The following UNC5D variants were observed in gnomAD, a reference collection of about 807,000 sequenced individuals.
The protein encoded by UNC5D is netrin receptor UNC5D.
Under a neutral mutation model 105.4 loss-of-function variants are expected in UNC5D, and 39 were observed. That is an observed-to-expected ratio of 0.37 (90% CI 0.29 to 0.48). The LOEUF (loss-of-function observed/expected upper bound fraction) is 0.48, where lower values mean the gene tolerates loss of function less well. UNC5D is among the 20% of genes least tolerant of loss of function. UNC5D has a pLI of 0.98. For missense variants in UNC5D, 991 were observed against 1,202.4 expected (o/e 0.82, Z 2.60); for synonymous variants, 452 against 450.4 (o/e 1.00, Z -0.04).
intron 8 of UNC5D, among the ~76,000 whole-genome samples, chr8:35,706,446 G>A (rs145010616): frequency 5.3e-5 from 8 of 152,178 alleles, no homozygotes; most frequent in African/African-American, 9.6e-5. Flanking sequence ...GCTTAGGCTC[G>A]TTGTACCCAG....
rs146715348 is a variant in UNC5D, at chr8:35,645,444, A to T, written c.571-38103A>T. Among the ~76,000 whole-genome samples the T allele has an allele frequency of 9.8e-4, 149 of 152,262 alleles. 2 individuals carry two copies. The highest frequency in any genetic ancestry group is 8.5e-3 in the Admixed American group (129 of 15,262). On this transcript the variant is annotated intron_variant, in intron 4 of 16. Coordinates refer to ENST00000404895, the MANE Select transcript of UNC5D (RefSeq NM_080872.4). ...AAATCTTTTAGCAAAATAATGCAAT[A>T]AAGCTAAAGAAAAACTGCATACAAA...
At chr8:35,692,783 C>T (rs867906714) in intron 7 of UNC5D, among the ~76,000 whole-genome samples, 22 of 152,190 alleles carry the variant, frequency 1.4e-4, no homozygotes, top group Admixed American at 2.0e-4. Context: ...ATGAAGCATC[C>T]TACTGCTCGC....
chr8:35,463,501 A>G (rs1809051587), intron 1 of UNC5D, among the ~76,000 whole-genome samples: 1 of 152,022 alleles, frequency 6.6e-6, no homozygotes, highest in Non-Finnish European at 1.5e-5. Context: ...GAAGTCAATG[A>G]TACCTGTTTC....
chr8:35,421,714 C>T (rs896679804), intron 1 of UNC5D, among the ~76,000 whole-genome samples: 1 of 151,982 alleles, frequency 6.6e-6, no homozygotes, highest in Non-Finnish European at 1.5e-5. Flanking sequence ...TATATGTACT[C>T]ACACACATAG....
At chr8:35,452,516 A>G (rs1404809535) in intron 1 of UNC5D, among the ~76,000 whole-genome samples, 30 of 151,992 alleles carry the variant, frequency 2.0e-4, no homozygotes, top group Admixed American at 2.0e-3. Flanking sequence ...CACCCACCTC[A>G]GCCTCCCAAA....
At chr8:35,327,154 A>G (rs1207857432) in intron 1 of UNC5D, among the ~76,000 whole-genome samples, 1 of 152,156 alleles carries the variant, frequency 6.6e-6, no homozygotes, top group Admixed American at 6.5e-5. Flanking sequence ...TTAAAATTAG[A>G]TGCCCACTGA....
chr8:35,433,596 G>T (rs940034953), intron 1 of UNC5D, among the ~76,000 whole-genome samples: 1 of 151,996 alleles, frequency 6.6e-6, no homozygotes, highest in African/African-American at 2.4e-5. Flanking sequence ...GAACATAAAT[G>T]AATAGAATAT....
intron 1 of UNC5D, among the ~76,000 whole-genome samples, chr8:35,293,482 T>G (rs923198157): frequency 6.6e-6 from 1 of 152,174 alleles, no homozygotes; most frequent in Non-Finnish European, 1.5e-5. Flanking sequence ...CTGGTGCTGG[T>G]TTGGAAGCAC....
intron 1 of UNC5D, among the ~76,000 whole-genome samples, chr8:35,237,441 T>C (rs1429290474): frequency 6.6e-6 from 1 of 152,136 alleles, no homozygotes; most frequent in Non-Finnish European, 1.5e-5. Context: ...ATGTCTGAGT[T>C]TCCACTTACT....
At chr8:35,391,277 TC>T (rs1276973237) in intron 1 of UNC5D, among the ~76,000 whole-genome samples, 2 of 152,188 alleles carry the variant, frequency 1.3e-5, no homozygotes, top group African/African-American at 4.8e-5. Context: ...TTCCTTCTTC[TC>T]CATCATCATT....
At chr8:35,739,004 G>A (rs555508580) in intron 11 of UNC5D, among the ~76,000 whole-genome samples, 1 of 152,226 alleles carries the variant, frequency 6.6e-6, no homozygotes, top group African/African-American at 2.4e-5. Flanking sequence ...CTCTATACCA[G>A]GCATAGAGAG....
intron 1 of UNC5D, among the ~76,000 whole-genome samples, chr8:35,253,156 G>C (rs1286642595): frequency 6.6e-6 from 1 of 151,784 alleles, no homozygotes; most frequent in African/African-American, 2.4e-5. Flanking sequence ...TGTTATATGT[G>C]ATTGGAACTT....
intron 1 of UNC5D, among the ~76,000 whole-genome samples, chr8:35,442,919 CACACACACACACACACA>C (rs1177364642): frequency 4.0e-5 from 6 of 151,158 alleles, no homozygotes; most frequent in African/African-American, 1.5e-4. Context: ...CACACACACA[CACACACACACACACACA>C]ACACACACAC....
At chr8:35,658,489 A>G (rs1031024948) in intron 4 of UNC5D, among the ~76,000 whole-genome samples, 10 of 152,148 alleles carry the variant, frequency 6.6e-5, no homozygotes, top group Non-Finnish European at 1.2e-4. Context: ...TGCTCTATAA[A>G]TAGGCTGGTG....
In UNC5D at chr8:35,792,793, T is replaced by G. The variant is rs1336464882; in HGVS notation, c.*2230T>G. On this transcript the variant is annotated 3_prime_UTR_variant, in exon 17 of 17. Coordinates refer to ENST00000404895, the MANE Select transcript of UNC5D (RefSeq NM_080872.4). ...CTTCCCTTCTAATGGGCATTATAAT[T>G]GTTTCATCTACTCTGTGAATCTACA... The G allele has an allele frequency of 9.7e-6, 3 of 308,670 alleles. No individual in the cohort carries two copies. Among genetic ancestry groups the G allele is most frequent in the Non-Finnish European group, 1.2e-5 (2 of 161,004 alleles). 19.1% of individuals were successfully genotyped at this position (308,670 alleles called of 1,614,324 possible).
At chr8:35,457,181 T>C (rs1563436928) in intron 1 of UNC5D, among the ~76,000 whole-genome samples, 2 of 151,460 alleles carry the variant, frequency 1.3e-5, no homozygotes, top group Non-Finnish European at 2.9e-5. Context: ...ATTCTTCTCT[T>C]TCTTTTTTTA....
Position 35,722,426 on chromosome 8 carries a change from C to A in UNC5D, c.1303+31C>A, listed in dbSNP as rs192094973. The A allele has an allele frequency of 4.3e-4, 696 of 1,603,660 alleles. 1 individual carries two copies. In the African/African-American group the frequency reaches 8.3e-3, roughly 19 times the overall value. Reference sequence around the variant, plus strand: ...CGGCATAGGTCCCTCCACACCTCGTCCTCAGTGCCATAGACTACGCTCACA... The same window carrying A: ...CGGCATAGGTCCCTCCACACCTCGTACTCAGTGCCATAGACTACGCTCACA... On this transcript the variant is annotated intron_variant, in intron 9 of 16. Transcript: ENST00000404895.
At position 35,793,017 on chromosome 8, in the gene UNC5D, C is replaced by A. The variant is rs975099541; in HGVS notation, c.*2454C>A. On this transcript the variant is annotated 3_prime_UTR_variant, in exon 17 of 17. Transcript: ENST00000404895. The stretch of plus-strand genomic sequence containing the variant: ...TTTATAAACAACTTGAACATCATAT[C>A]ATATAGGATAACAAAGGAGGAAGTT... 6.2e-5 allele frequency: 28 copies of A among 454,328 alleles called. No individual in the cohort carries two copies. The highest frequency in any genetic ancestry group is 1.1e-4 in the Non-Finnish European group (25 of 226,448). 28.1% of individuals were successfully genotyped at this position (454,328 alleles called of 1,614,324 possible).
At chr8:35,582,197 T>G (rs578087279) in intron 3 of UNC5D, among the ~76,000 whole-genome samples, 1 of 152,248 alleles carries the variant, frequency 6.6e-6, no homozygotes, top group Admixed American at 6.5e-5. Flanking sequence ...ATACAGTGCT[T>G]CCAGTCACCA....
Sources: gnomAD v4.1 joint callset for allele counts (sites outside exome capture counted in the v4.1 genomes callset) on GRCh38, gnomAD v4.1.1 for gene constraint, MANE v1.5 for transcripts, NCBI Gene and HGNC (gene_info 2026-07-23, HGNC 2026-07-21) for gene names.